CACNA1D: variants seen among roughly 807,000 people sequenced by gnomAD.
CACNA1D encodes voltage-dependent L-type calcium channel subunit alpha-1D.
CACNA1D carries 55 observed loss-of-function variants against 257.1 expected under a neutral mutation model. The observed-to-expected ratio is 0.21, with a 90% confidence interval of 0.17 to 0.27. CACNA1D has a LOEUF of 0.27. Among genes scored for constraint, CACNA1D ranks in the 10% least tolerant of loss-of-function variants. The pLI is 1.00. For synonymous variants in CACNA1D, 980 were observed against 1,014.9 expected (o/e 0.97, Z 0.65); for missense variants, 1,876 against 2,784.0 (o/e 0.67, Z 7.34).
At chr3:53,758,798 A>G (rs1407722174) in intron 29 of CACNA1D, among the ~76,000 whole-genome samples, 1 of 152,198 alleles carries the variant, frequency 6.6e-6, no homozygotes, top group Non-Finnish European at 1.5e-5. Flanking sequence ...AGGAGAACAC[A>G]TCATCATAGG....
chr3:53,545,588 G>A (rs890024627), intron 3 of CACNA1D, among the ~76,000 whole-genome samples: 3 of 152,198 alleles, frequency 2.0e-5, no homozygotes, highest in Non-Finnish European at 4.4e-5. Context: ...AGCTTGAAAA[G>A]GTCATGGTGT....
At chr3:53,639,726 T>C (rs1392791724) in intron 3 of CACNA1D, among the ~76,000 whole-genome samples, 1 of 152,040 alleles carries the variant, frequency 6.6e-6, no homozygotes, top group Non-Finnish European at 1.5e-5. Flanking sequence ...AACGTAGCCA[T>C]ATACAGATTT....
chr3:53,730,588 A>C (rs183695570), intron 16 of CACNA1D, 32 bp downstream of exon 16: 1 of 1,509,102 alleles, frequency 6.6e-7, no homozygotes, highest in South Asian at 1.1e-5. Context: ...GTGTTTGTCC[A>C]GGGGCTGTGT....
chr3:53,787,882 C>T (rs1391100994), intron 40 of CACNA1D, among the ~76,000 whole-genome samples: 1 of 152,154 alleles, frequency 6.6e-6, no homozygotes, highest in Non-Finnish European at 1.5e-5. Context: ...GCCCAGAGTG[C>T]TCATAATCCA....
intron 3 of CACNA1D, among the ~76,000 whole-genome samples, chr3:53,575,181 T>C (rs2093014912): frequency 6.6e-6 from 1 of 152,168 alleles, no homozygotes; most frequent in Non-Finnish European, 1.5e-5. Context: ...ACCTGCGTCC[T>C]GCATGATGTT....
At chr3:53,541,675 T>A (rs2092300600) in intron 3 of CACNA1D, among the ~76,000 whole-genome samples, 1 of 152,186 alleles carries the variant, frequency 6.6e-6, no homozygotes, top group Admixed American at 6.5e-5. Flanking sequence ...TTTGAGTATA[T>A]CTGTTTTTCT....
chr3:53,764,198 A>G (rs1320031172), intron 30 of CACNA1D, among the ~76,000 whole-genome samples: 1 of 152,258 alleles, frequency 6.6e-6, no homozygotes, highest in Non-Finnish European at 1.5e-5. Flanking sequence ...CCATTCAGAT[A>G]TGTAAATGAT....
chr3:53,708,356 C>T (rs1376134849), intron 9 of CACNA1D, among the ~76,000 whole-genome samples: 1 of 152,214 alleles, frequency 6.6e-6, no homozygotes, highest in Non-Finnish European at 1.5e-5. Flanking sequence ...GGTAAATATG[C>T]GTCCAGGTCA....
chr3:53,746,418 G>C (rs757304674), intron 25 of CACNA1D, among the ~76,000 whole-genome samples: 18 of 152,146 alleles, frequency 1.2e-4, no homozygotes, highest in Non-Finnish European at 2.9e-5. Context: ...AGACAAGGTG[G>C]GAGATATTCA....
At chr3:53,542,471 T>G (rs2092319268) in intron 3 of CACNA1D, among the ~76,000 whole-genome samples, 1 of 152,104 alleles carries the variant, frequency 6.6e-6, no homozygotes, top group Non-Finnish European at 1.5e-5. Flanking sequence ...CACTAGCTAC[T>G]CAAGAGGCTG....
chr3:53,529,807 A>G (rs1343623278), intron 3 of CACNA1D, among the ~76,000 whole-genome samples: 4 of 152,136 alleles, frequency 2.6e-5, no homozygotes. Context: ...TTCTTTTATC[A>G]CTGAGAGAAT....
intron 29 of CACNA1D, 152 bp from the exon 30 acceptor site, chr3:53,761,846 A>G: frequency 1.4e-6 from 1 of 698,674 alleles, no homozygotes; most frequent in Non-Finnish European, 2.7e-6. Context: ...GCCCCTTTCC[A>G]CCAGTGGACA....
intron 47 of CACNA1D, among the ~76,000 whole-genome samples, chr3:53,810,774 A>AC (rs1260853724): frequency 6.7e-6 from 1 of 149,094 alleles, no homozygotes; most frequent in Non-Finnish European, 1.5e-5. Flanking sequence ...AAAAAAAAAA[A>AC]AAAAAAAAAA....
chr3:53,718,465 C>A, intron 10 of CACNA1D, 77 bp downstream of exon 10: 2 of 1,361,878 alleles, frequency 1.5e-6, no homozygotes, highest in South Asian at 1.2e-5. Context: ...ACCGCCCAGG[C>A]TGCAGCAGAG....
At chr3:53,648,441 T>C (rs1163498869) in intron 3 of CACNA1D, among the ~76,000 whole-genome samples, 7 of 152,162 alleles carry the variant, frequency 4.6e-5, no homozygotes, top group Non-Finnish European at 1.0e-4. Context: ...TATGGCTTCA[T>C]TGAGGCCTTC....
intron 9 of CACNA1D, among the ~76,000 whole-genome samples, chr3:53,717,933 G>A (rs2094837332): frequency 6.6e-6 from 1 of 152,200 alleles, no homozygotes; most frequent in Non-Finnish European, 1.5e-5. Context: ...AAGCAAAGAT[G>A]TACCTGTAAA....
chr3:53,713,154 G>T (rs1294264249), intron 9 of CACNA1D, among the ~76,000 whole-genome samples: 4 of 152,178 alleles, frequency 2.6e-5, no homozygotes, highest in Admixed American at 1.3e-4. Context: ...AGAGCTGGGG[G>T]AATGCAAGGG....
intron 14 of CACNA1D, 94 bp downstream of exon 14, chr3:53,724,093 G>C: frequency 1.9e-6 from 2 of 1,045,574 alleles, no homozygotes; most frequent in South Asian, 1.3e-5. Context: ...AAGACAAAAG[G>C]ACTCCATTTT....
Position 53,723,689 on chromosome 3 carries a change from T to G in CACNA1D, c.1892+30T>G, listed in dbSNP as rs2094903980. The G allele has an allele frequency of 6.2e-7, 1 of 1,605,532 alleles. No homozygotes were observed. Among genetic ancestry groups the G allele is most frequent in the Admixed American group, 1.7e-5 (1 of 59,976 alleles). On this transcript the variant is annotated intron_variant, in intron 13 of 47. Coordinates refer to ENST00000350061, the MANE Select transcript of CACNA1D (RefSeq NM_001128840.3). The surrounding 1 kb of genome is among the most constrained non-coding windows in gnomAD (Gnocchi z 5.6). ...GGAAATGTGGGTCCCACTGCAAATGTTTTATGAACATGAGGCGGCAACCAG... is the reference window on the plus strand; with the variant it reads ...GGAAATGTGGGTCCCACTGCAAATGGTTTATGAACATGAGGCGGCAACCAG...
Sources: gnomAD v4.1 joint callset for allele counts (sites outside exome capture counted in the v4.1 genomes callset) on GRCh38, gnomAD v4.1.1 for gene constraint, Gnocchi (gnomAD v3.1) non-coding constraint, MANE v1.5 for transcripts, NCBI Gene and HGNC (gene_info 2026-07-23, HGNC 2026-07-21) for gene names.